The following HCRT variants were observed in gnomAD, a reference collection of about 807,000 sequenced individuals.
HCRT encodes the protein hypocretin (orexin) neuropeptide.
HCRT carries 5 observed loss-of-function variants against 5.7 expected under a neutral mutation model. The observed-to-expected ratio is 0.87, with a 90% CI of 0.45 to 1.83. HCRT has a LOEUF of 1.83. Among genes scored for constraint, HCRT ranks in the 40% most tolerant of loss-of-function variants. The pLI, the probability that HCRT is intolerant of heterozygous loss-of-function variation, is 0.02. For synonymous variants in HCRT, 114 were observed against 99.0 expected (o/e 1.15, Z -0.90); for missense variants, 207 against 191.8 (o/e 1.08, Z -0.47).
chr17:42,184,612 C>T, intron 1 of HCRT, 84 bp from the exon 2 acceptor site: 1 of 1,437,590 alleles, frequency 7.0e-7, no homozygotes, highest in South Asian at 1.4e-5. Flanking sequence ...GCCCCTCTGG[C>T]TCCGCGCCCC....
In HCRT at chr17:42,184,305, C is replaced by G. The variant is rs2079922741; in HGVS notation, c.245G>C (p.Arg82Pro). 1.3e-6 allele frequency: 2 copies of G among 1,519,774 alleles called. No individual in the cohort carries two copies. Among genetic ancestry groups the G allele is most frequent in the African/African-American group, 2.8e-5 (2 of 70,206 alleles). The allele number at this position is 1,519,774 out of a possible 1,614,324, so 94.1% of individuals were successfully genotyped here. A position where few individuals can be genotyped will look rare whatever the true frequency, so the allele number is the denominator to read the frequency against. The change falls in exon 2 of 2, where the codon CGC (arginine) becomes CCC (proline). Residue 82 changes from arginine to proline, a missense_variant. Physicochemically the swap from Arg to Pro is moderately radical, Grantham distance 103 (BLOSUM62 -2). Transcript: ENST00000293330. ...GPPGLQGRLQ[R>P]LLQASGNHAA... is the part of the protein sequence containing the mutation. ...GTGGTTGCCGCTGGCCTGCAGGAGGCGCTGCAGCCGACCCTGGAGGCCCGG... is the reference window on the plus strand; with the variant it reads ...GTGGTTGCCGCTGGCCTGCAGGAGGGGCTGCAGCCGACCCTGGAGGCCCGG...
At chr17:42,185,308 G>C in intron 1 of HCRT, 37 bp downstream of exon 1, 1 of 1,603,680 alleles carries the variant, frequency 6.2e-7, no homozygotes, top group Non-Finnish European at 8.5e-7. Context: ...TTGCTTCTCT[G>C]GGATGGTGAG....
Position 42,184,210 on chromosome 17 carries a change from G to T in HCRT, c.340C>A (p.Arg114Ser), listed in dbSNP as rs1051504874. 6 of 1,302,406 alleles carry T rather than the reference G, an allele frequency of 4.6e-6. No individual in the cohort carries two copies. The highest frequency in any genetic ancestry group is 4.2e-5 in the Admixed American group (1 of 23,822). The allele number at this position is 1,302,406 out of a possible 1,614,324, so 80.7% of individuals were successfully genotyped here. A position where few individuals can be genotyped will look rare whatever the true frequency, so the allele number is the denominator to read the frequency against. ...EPAPRPCLGRRCSAPAAASVA... is the reference protein window; with the variant it reads ...EPAPRPCLGRSCSAPAAASVA... The stretch of plus-strand genomic sequence containing the variant: ...GAGGCGGCGGCCGGGGCGGAACAGC[G>T]GCGCCCGAGGCAGGGGCGCGGCGCT... Residue 114 changes from arginine to serine, a missense_variant, in exon 2 of 2, where the codon CGC (arginine) becomes AGC (serine). Coordinates refer to ENST00000293330, the MANE Select transcript of HCRT (RefSeq NM_001524.1).
chr17:42,184,556 G>A, intron 1 of HCRT, 28 bp from the exon 2 acceptor site: 1 of 1,496,936 alleles, frequency 6.7e-7, no homozygotes, highest in South Asian at 1.2e-5. Flanking sequence ...GGGCGCTGGG[G>A]GGGTCTTCCC....
Position 42,185,350 on chromosome 17 carries a change from T to A in HCRT, c.16A>T (p.Thr6Ser). Residue 6 changes from threonine to serine, a missense_variant, in exon 1 of 2, where the codon ACA (threonine) becomes TCA (serine). Physicochemically the swap from Thr to Ser is moderately conservative, Grantham distance 58. Coordinates refer to ENST00000293330, the MANE Select transcript of HCRT (RefSeq NM_001524.1). MNLPS[T>S]KVSWAAVTLL... ...CTCCATCCCTGGATCTTTACCTTTG[T>A]GGAAGGAAGGTTCATGGTGTCTGGC... The A allele has an allele frequency of 6.2e-7, 1 of 1,613,990 alleles. No individual in the cohort carries two copies. Among genetic ancestry groups the A allele is most frequent in the Non-Finnish European group, 8.5e-7 (1 of 1,179,890 alleles).
intron 1 of HCRT, 26 bp downstream of exon 1, chr17:42,185,319 T>C: frequency 6.2e-7 from 1 of 1,607,914 alleles, no homozygotes; most frequent in Non-Finnish European, 8.5e-7. Context: ...GGATGGTGAG[T>C]CACCCCTCCA....
In HCRT at chr17:42,184,249, C is replaced by A; in HGVS notation, c.301G>T (p.Ala101Ser). The change falls in exon 2 of 2, where the codon GCA (alanine) becomes TCA (serine). Residue 101 changes from alanine (A) to serine (S), a missense_variant. Transcript: ENST00000293330. ...AAGILTMGRR[A>S]GAEPAPRPCL... ...GGGCGCGGCGCTGGCTCTGCGCCTG[C>A]GCGGCGGCCCATGGTCAGGATGCCC... is the stretch of plus-strand genomic sequence containing the variant. 2 of 1,354,426 alleles carry A rather than the reference C, an allele frequency of 1.5e-6. No individual in the cohort carries two copies. 83.9% of individuals were successfully genotyped at this position (1,354,426 alleles called of 1,614,324 possible).
Position 42,184,448 on chromosome 17 carries a change from C to A in HCRT, c.102G>T (p.Gln34His). 6.3e-7 allele frequency: 1 copy of A among 1,596,092 alleles called. No homozygotes were observed. Among genetic ancestry groups the A allele is most frequent in the Non-Finnish European group, 8.5e-7 (1 of 1,176,042 alleles). ...PALLSSGAAA[Q>H]PLPDCCRQKT... is the part of the protein sequence containing the mutation. Reference sequence around the variant, plus strand: ...TTTGACGACAGCAGTCGGGCAGGGGCTGTGCAGCCGCCCCGGACGACAACA... The same window carrying A: ...TTTGACGACAGCAGTCGGGCAGGGGATGTGCAGCCGCCCCGGACGACAACA... The change falls in exon 2 of 2, where the codon CAG (glutamine) becomes CAT (histidine). Residue 34 changes from glutamine (Q) to histidine (H), a missense_variant. By Grantham distance (24) the Gln-to-His change is conservative. Transcript: ENST00000293330.
chr17:42,184,374 T>C lies in HCRT; in HGVS notation c.176A>G (p.His59Arg). 1 of 1,596,614 alleles carries C rather than the reference T, an allele frequency of 6.3e-7. No homozygotes were observed. Among genetic ancestry groups the C allele is most frequent in the Non-Finnish European group, 8.5e-7 (1 of 1,175,850 alleles). ...LYELLHGAGN[H>R]AAGILTLGKR... is the part of the protein sequence containing the mutation. ...GCCCAGCGTGAGGATGCCGGCCGCG[T>C]GATTGCCCGCGCCGTGCAGCAGCTC... The change falls in exon 2 of 2, where the codon CAC (histidine) becomes CGC (arginine). Residue 59 changes from histidine to arginine, a missense_variant. Physicochemically the swap from His to Arg is conservative, Grantham distance 29 (BLOSUM62 0). Transcript: ENST00000293330.
chr17:42,185,277 C>A, intron 1 of HCRT, 68 bp downstream of exon 1: 1 of 1,482,636 alleles, frequency 6.7e-7, no homozygotes, highest in Non-Finnish European at 9.4e-7. Context: ...TTTCTTCCAG[C>A]CCTCTGAGCA....
Position 42,184,264 on chromosome 17 carries a change from T to G in HCRT, c.286A>C (p.Thr96Pro). 7.1e-7 allele frequency: 1 copy of G among 1,413,944 alleles called. No homozygotes were observed. The allele number at this position is 1,413,944 out of a possible 1,614,324, so 87.6% of individuals were successfully genotyped here. ...TCTGCGCCTGCGCGGCGGCCCATGG[T>G]CAGGATGCCCGCGGCGTGGTTGCCG... ...ASGNHAAGILTMGRRAGAEPA... is the reference protein window; with the variant it reads ...ASGNHAAGILPMGRRAGAEPA... Residue 96 changes from threonine to proline, a missense_variant, in exon 2 of 2, where the codon ACC becomes CCC. By Grantham distance (38) the Thr-to-Pro change is conservative. Transcript: ENST00000293330.
At position 42,184,521 on chromosome 17, in the gene HCRT, C is replaced by T. The variant is rs1215392511; in HGVS notation, c.29G>A (p.Trp10Ter). The T allele has an allele frequency of 1.3e-6, 2 of 1,545,884 alleles. No individual in the cohort carries two copies. The highest frequency in any genetic ancestry group is 2.4e-5 in the East Asian group (1 of 41,456). MNLPSTKVS[W>*]AAVTLLLLLL... ...CAGCAGCAGTAGCGTCACGGCGGCC[C>T]AGGAGACCTAGGGAGACGGAGACAG... The change falls in exon 2 of 2, where the codon TGG becomes TAG. Residue 10 changes from tryptophan to a stop codon, truncating the protein, a stop_gained. Coordinates refer to ENST00000293330, the MANE Select transcript of HCRT (RefSeq NM_001524.1). LOFTEE classifies it high-confidence loss of function.
chr17:42,184,615 C>T, intron 1 of HCRT, 87 bp from the exon 2 acceptor site: 1 of 1,434,824 alleles, frequency 7.0e-7, no homozygotes, highest in South Asian at 1.4e-5. Flanking sequence ...CCTCTGGCTC[C>T]GCGCCCCCTC....
Position 42,184,283 on chromosome 17 carries a change from G to C in HCRT, c.267C>G (p.Asn89Lys). The C allele has an allele frequency of 6.9e-7, 1 of 1,452,626 alleles. No individual in the cohort carries two copies. The highest frequency in any genetic ancestry group is 9.0e-7 in the Non-Finnish European group (1 of 1,106,048). The allele number at this position is 1,452,626 out of a possible 1,614,324, so 90.0% of individuals were successfully genotyped here. Residue 89 changes from asparagine to lysine, a missense_variant, in exon 2 of 2, where the codon AAC becomes AAG. Coordinates refer to ENST00000293330, the MANE Select transcript of HCRT (RefSeq NM_001524.1). ...CCATGGTCAGGATGCCCGCGGCGTG[G>C]TTGCCGCTGGCCTGCAGGAGGCGCT... is the stretch of plus-strand genomic sequence containing the variant. ...RLQRLLQASG[N>K]HAAGILTMGR...
intron 1 of HCRT, 91 bp from the exon 2 acceptor site, chr17:42,184,619 C>T: frequency 7.0e-7 from 1 of 1,433,328 alleles, no homozygotes. Flanking sequence ...TGGCTCCGCG[C>T]CCCCTCCAAG....
chr17:42,185,247 G>T (rs1217128904), intron 1 of HCRT, 98 bp downstream of exon 1: 1 of 1,155,548 alleles, frequency 8.7e-7, no homozygotes. Flanking sequence ...AAAAGACCAA[G>T]AGTGGAGACA....
Position 42,185,370 on chromosome 17 carries a change from T to G in HCRT, c.-5A>C, listed in dbSNP as rs1333432524. The G allele has an allele frequency of 3.1e-6, 5 of 1,614,050 alleles. No homozygotes were observed. The highest frequency in any genetic ancestry group is 4.2e-6 in the Non-Finnish European group (5 of 1,179,934). On this transcript the variant is annotated 5_prime_UTR_variant, in exon 1 of 2. Transcript: ENST00000293330. ...CTTTGTGGAAGGAAGGTTCATGGTG[T>G]CTGGCGCTCAGGGTGGGGTAGCCGG...
At chr17:42,184,646 G>T in intron 1 of HCRT, 118 bp from the exon 2 acceptor site, 1 of 1,373,096 alleles carries the variant, frequency 7.3e-7, no homozygotes, top group Non-Finnish European at 9.5e-7. Context: ...CTCCTTTCTG[G>T]CTGTCACTTA....
chr17:42,185,206 G>T (rs1213584482), intron 1 of HCRT, 139 bp downstream of exon 1: 3 of 788,230 alleles, frequency 3.8e-6, no homozygotes, highest in East Asian at 2.6e-5. Flanking sequence ...GTGAGCCAAG[G>T]CAGGTGCTCC....
Sources: gnomAD v4.1 joint callset for allele counts on GRCh38, gnomAD v4.1.1 for gene constraint, MANE v1.5 for transcripts, NCBI Gene and HGNC (gene_info 2026-07-23, HGNC 2026-07-21) for gene names.